The following BRINP3 variants were observed in gnomAD, a reference collection of about 807,000 sequenced individuals.
BRINP3 encodes the protein BMP/retinoic acid-inducible neural-specific protein 3.
A neutral mutation model predicts 71.0 loss-of-function variants in BRINP3; 19 were observed. The ratio of observed to expected loss-of-function variants is 0.27; its 90% CI spans 0.19 to 0.39. BRINP3 has a LOEUF of 0.39. BRINP3 is among the 10% of genes least tolerant of loss of function. BRINP3 has a pLI of 1.00. For missense variants in BRINP3, 959 were observed against 940.8 expected (o/e 1.02, Z -0.25); for synonymous variants, 380 against 337.7 (o/e 1.13, Z -1.37).
At chr1:190,129,270 C>T (rs1176193706) in intron 7 of BRINP3, among the ~76,000 whole-genome samples, 1 of 151,624 alleles carries the variant, frequency 6.6e-6, no homozygotes, top group African/African-American at 2.4e-5. Context: ...TCTATGTAAA[C>T]CAATTGTAAA....
intron 6 of BRINP3, among the ~76,000 whole-genome samples, chr1:190,172,315 C>T (rs776855102): frequency 6.6e-6 from 1 of 151,344 alleles, no homozygotes; most frequent in Non-Finnish European, 1.5e-5. Flanking sequence ...CTATTATACT[C>T]TTTATTTTTA....
At chr1:190,193,470 T>C (rs1180974739) in intron 6 of BRINP3, among the ~76,000 whole-genome samples, 1 of 152,098 alleles carries the variant, frequency 6.6e-6, no homozygotes, top group East Asian at 1.9e-4. Flanking sequence ...ATCAGTTTTA[T>C]TTACTATTTT....
intron 7 of BRINP3, among the ~76,000 whole-genome samples, chr1:190,132,478 T>C (rs553624921): frequency 6.6e-6 from 1 of 152,086 alleles, no homozygotes; most frequent in South Asian, 2.1e-4. Flanking sequence ...TTTAAGCTGT[T>C]TGTATCATAT....
In BRINP3 at chr1:190,116,724, T is replaced by G. The variant is rs1653165964; in HGVS notation, c.1185-17590A>C. 2.6e-5 allele frequency among the ~76,000 whole-genome samples: 4 copies of G among 152,094 alleles called. No homozygotes were observed. The South Asian group carries it at 8.3e-4, about 31-fold the overall frequency. ...GAAATATAAATTTTTATTTATGGAA[T>G]AGTTACCTGAAGATAAATTGAAGAA... On this transcript the variant is annotated intron_variant, in intron 7 of 7. Coordinates refer to ENST00000367462, the MANE Select transcript of BRINP3 (RefSeq NM_199051.3).
At chr1:190,140,304 GTAT>G (rs1655328382) in intron 7 of BRINP3, among the ~76,000 whole-genome samples, 1 of 151,938 alleles carries the variant, frequency 6.6e-6, no homozygotes, top group South Asian at 2.1e-4. Flanking sequence ...AAATATACTT[GTAT>G]TATTAGTCTA....
intron 2 of BRINP3, among the ~76,000 whole-genome samples, chr1:190,440,783 TAAAAGTC>T (rs1674764856): frequency 6.6e-6 from 1 of 151,934 alleles, no homozygotes; most frequent in South Asian, 2.1e-4. Flanking sequence ...TGATTTAACT[TAAAAGTC>T]AATTGGAAAA....
At chr1:190,254,722 G>A (rs1011911812) in intron 4 of BRINP3, among the ~76,000 whole-genome samples, 1 of 152,026 alleles carries the variant, frequency 6.6e-6, no homozygotes. Flanking sequence ...TCAGCAACAG[G>A]GACAATTTCA....
chr1:190,385,432 A>G lies in BRINP3; in HGVS notation c.236+69223T>C, dbSNP rs557853297. On this transcript the variant is annotated intron_variant, in intron 2 of 7. Transcript: ENST00000367462. ...AAAAGTGGGCAAAGGACATGAACAG[A>G]CACTTCTCAAAAGAAGACATTTATG... Among the ~76,000 whole-genome samples the G allele has an allele frequency of 3.1e-3, 477 of 152,122 alleles. 6 individuals are homozygous for G. The highest frequency in any genetic ancestry group is 0.011 in the African/African-American group (449 of 41,512).
chr1:190,143,457 G>A (rs539946943), intron 7 of BRINP3, among the ~76,000 whole-genome samples: 1 of 152,282 alleles, frequency 6.6e-6, no homozygotes, highest in South Asian at 2.1e-4. Flanking sequence ...CTTTTCCTAA[G>A]GGACATTGAG....
intron 2 of BRINP3, among the ~76,000 whole-genome samples, chr1:190,291,636 T>A (rs557448179): frequency 6.4e-4 from 97 of 152,128 alleles, no homozygotes; most frequent in African/African-American, 2.3e-3. Flanking sequence ...ATAGTTACAA[T>A]TAAAAAGACA....
intron 2 of BRINP3, among the ~76,000 whole-genome samples, chr1:190,395,592 T>C (rs1671515131): frequency 1.3e-5 from 2 of 151,764 alleles, no homozygotes; most frequent in Non-Finnish European, 3.0e-5. Flanking sequence ...GATTGGGTTA[T>C]ATATATGACT....
intron 2 of BRINP3, among the ~76,000 whole-genome samples, chr1:190,329,307 G>C (rs1283253209): frequency 1.3e-5 from 2 of 151,956 alleles, no homozygotes; most frequent in South Asian, 2.1e-4. Flanking sequence ...AATTTTCCTG[G>C]AATGGATAAA....
At chr1:190,206,284 G>A (rs1655491604) in intron 6 of BRINP3, among the ~76,000 whole-genome samples, 1 of 151,978 alleles carries the variant, frequency 6.6e-6, no homozygotes, top group African/African-American at 2.4e-5. Context: ...AAATGCTTGA[G>A]TAGTTTATGA....
intron 1 of BRINP3, among the ~76,000 whole-genome samples, chr1:190,464,630 A>G (rs1676618405): frequency 6.6e-6 from 1 of 151,976 alleles, no homozygotes; most frequent in Non-Finnish European, 1.5e-5. Flanking sequence ...CTGCTTTATT[A>G]TATATGCTTG....
At chr1:190,448,704 T>C (rs1384901854) in intron 2 of BRINP3, among the ~76,000 whole-genome samples, 1 of 151,910 alleles carries the variant, frequency 6.6e-6, no homozygotes, top group Admixed American at 6.6e-5. Context: ...TTCAAAGAAA[T>C]TTTTAAGTCT....
chr1:190,191,621 T>C (rs529400222), intron 6 of BRINP3, among the ~76,000 whole-genome samples: 22 of 152,268 alleles, frequency 1.4e-4, no homozygotes, highest in Admixed American at 4.6e-4. Context: ...TTCCATGGTG[T>C]ATATGTGCCA....
intron 2 of BRINP3, among the ~76,000 whole-genome samples, chr1:190,316,362 G>C (rs186002887): frequency 1.2e-4 from 18 of 152,152 alleles, no homozygotes; most frequent in Admixed American, 9.8e-4. Context: ...ACTAGTTAAT[G>C]TGTGGCAGAG....
Position 190,122,367 on chromosome 1 carries a change from A to T in BRINP3, c.1185-23233T>A, listed in dbSNP as rs564221889. ...TTATTTGGAAATAGGGTCTTTGCAG[A>T]TATAATTGGTTAAACTTAGATAAGT... On this transcript the variant is annotated intron_variant, in intron 7 of 7. Coordinates refer to ENST00000367462, the MANE Select transcript of BRINP3 (RefSeq NM_199051.3). 2.0e-5 allele frequency among the ~76,000 whole-genome samples: 3 copies of T among 152,202 alleles called. No homozygotes were observed. In the East Asian group the frequency reaches 5.8e-4, roughly 29 times the overall value.
At chr1:190,173,450 A>T (rs1331615196) in intron 6 of BRINP3, among the ~76,000 whole-genome samples, 1 of 152,216 alleles carries the variant, frequency 6.6e-6, no homozygotes, top group Non-Finnish European at 1.5e-5. Context: ...ATGAGGAAAA[A>T]GTCAAGAGAA....
Sources: allele counts gnomAD v4.1 joint callset (sites outside exome capture counted in the v4.1 genomes callset), GRCh38; gene constraint gnomAD v4.1.1; transcripts MANE v1.5; gene names NCBI Gene and HGNC (gene_info 2026-07-23, HGNC 2026-07-21).